Variants in ETV6 observed in about 807,000 individuals in gnomAD.
ETV6 encodes the protein transcription factor ETV6.
In ETV6, 16 loss-of-function variants were observed where a neutral mutation model predicts 51.1. That is an observed-to-expected ratio of 0.31 (90% CI 0.21 to 0.48). The LOEUF (loss-of-function observed/expected upper bound fraction) is 0.48. Ranked by LOEUF, ETV6 falls within the 20% of genes least tolerant of loss-of-function variation. ETV6 has a pLI of 0.99. For synonymous variants in ETV6, 240 were observed against 224.1 expected (o/e 1.07, Z -0.64); for missense variants, 458 against 594.8 (o/e 0.77, Z 2.39).
chr12:11,655,744 G>A (rs768017202), intron 1 of ETV6, among the ~76,000 whole-genome samples: 14 of 152,222 alleles, frequency 9.2e-5, no homozygotes, highest in African/African-American at 2.4e-4. Context: ...CAGCCTGGTC[G>A]TTGTCTAAAT....
intron 4 of ETV6, among the ~76,000 whole-genome samples, chr12:11,858,918 C>A (rs1294526857): frequency 2.0e-5 from 3 of 152,104 alleles, no homozygotes; most frequent in South Asian, 4.2e-4. Context: ...TGAGAGAAGT[C>A]ATTTCTTTGT....
At chr12:11,782,592 T>TA (rs1245127379) in intron 2 of ETV6, among the ~76,000 whole-genome samples, 6 of 152,200 alleles carry the variant, frequency 3.9e-5, no homozygotes, top group Non-Finnish European at 8.8e-5. Flanking sequence ...GGATGTTCAC[T>TA]AATGTGGAAA....
intron 3 of ETV6, among the ~76,000 whole-genome samples, chr12:11,849,327 G>T (rs961146642): frequency 6.6e-6 from 1 of 152,066 alleles, no homozygotes; most frequent in African/African-American, 2.4e-5. Flanking sequence ...ACCCAGGCTG[G>T]TCTCAAACTC....
chr12:11,809,812 CTTTTTTTTT>C (rs927002978), intron 2 of ETV6, among the ~76,000 whole-genome samples: 10 of 81,764 alleles, frequency 1.2e-4, no homozygotes, highest in Non-Finnish European at 2.2e-4. Flanking sequence ...AGAGCTTCTG[CTTTTTTTTT>C]TTTTTTTTTT....
chr12:11,678,331 AAGG>A (rs778578745), intron 1 of ETV6, among the ~76,000 whole-genome samples: 11 of 152,162 alleles, frequency 7.2e-5, no homozygotes, highest in Non-Finnish European at 1.5e-4. Context: ...TGAGGTCAGG[AAGG>A]AGGTCTGTAT....
intron 1 of ETV6, among the ~76,000 whole-genome samples, chr12:11,665,554 T>C (rs1213751726): frequency 6.6e-6 from 1 of 152,256 alleles, no homozygotes; most frequent in East Asian, 1.9e-4. Flanking sequence ...GCTCAAGGTC[T>C]GGCACAGAGG....
intron 2 of ETV6, among the ~76,000 whole-genome samples, chr12:11,826,067 C>T (rs1946149699): frequency 6.6e-6 from 1 of 152,058 alleles, no homozygotes; most frequent in Non-Finnish European, 1.5e-5. Context: ...AACTCCTGGC[C>T]TCAAGCAGTC....
At chr12:11,880,053 GA>G (rs1024611397) in intron 5 of ETV6, among the ~76,000 whole-genome samples, 38 of 123,282 alleles carry the variant, frequency 3.1e-4, no homozygotes, top group Middle Eastern at 4.5e-3. Context: ...AAAAAAAAAG[GA>G]AAAAAAATCT....
intron 2 of ETV6, among the ~76,000 whole-genome samples, chr12:11,797,591 C>T (rs764872681): frequency 1.1e-4 from 16 of 152,154 alleles, no homozygotes; most frequent in Non-Finnish European, 1.9e-4. Context: ...GACAAGGGCA[C>T]AGAAAAGCCA....
At chr12:11,730,436 G>A in intron 1 of ETV6, among the ~76,000 whole-genome samples, 1 of 152,256 alleles carries the variant, frequency 6.6e-6, no homozygotes, top group East Asian at 1.9e-4. Flanking sequence ...GAAGCCAATT[G>A]TAGTGTGCAC....
At chr12:11,669,373 T>TCCTTCCTTCCTCCCTC (rs1555112290) in intron 1 of ETV6, among the ~76,000 whole-genome samples, 1 of 129,344 alleles carries the variant, frequency 7.7e-6, no homozygotes, top group East Asian at 2.3e-4. Flanking sequence ...CTTCCTCCCT[T>TCCTTCCTTCCTCCCTC]CCTCCCTCCC....
intron 2 of ETV6, among the ~76,000 whole-genome samples, chr12:11,799,490 A>T (rs762721): frequency 6.6e-5 from 10 of 151,972 alleles, no homozygotes; most frequent in South Asian, 2.1e-4. Context: ...TCCCAACTTA[A>T]GTATGAAAGA....
intron 3 of ETV6, among the ~76,000 whole-genome samples, chr12:11,844,058 T>G (rs768148868): frequency 2.6e-4 from 39 of 151,880 alleles, no homozygotes; most frequent in Non-Finnish European, 3.8e-4. Context: ...GTGATTTAAA[T>G]TCAGAGAGGT....
intron 1 of ETV6, among the ~76,000 whole-genome samples, chr12:11,729,932 C>T (rs892820512): frequency 6.6e-6 from 1 of 152,094 alleles, no homozygotes; most frequent in African/African-American, 2.4e-5. Context: ...TTTGCTGATT[C>T]ACAAAGGCAT....
chr12:11,696,077 T>G (rs536383107), intron 1 of ETV6, among the ~76,000 whole-genome samples: 1 of 152,016 alleles, frequency 6.6e-6, no homozygotes, highest in Admixed American at 6.5e-5. Context: ...AACGATAAAT[T>G]AACAGGAGAA....
intron 1 of ETV6, among the ~76,000 whole-genome samples, chr12:11,699,608 G>A (rs1326156801): frequency 6.6e-6 from 1 of 152,134 alleles, no homozygotes; most frequent in Non-Finnish European, 1.5e-5. Flanking sequence ...ATACAGAGGA[G>A]AAATAAAGTG....
At chr12:11,678,559 C>CT (rs35214870) in intron 1 of ETV6, among the ~76,000 whole-genome samples, 3 of 152,280 alleles carry the variant, frequency 2.0e-5, no homozygotes, top group East Asian at 3.9e-4. Context: ...GATTATATCC[C>CT]TTTTTTCTGC....
intron 2 of ETV6, among the ~76,000 whole-genome samples, chr12:11,755,066 G>A (rs886307687): frequency 2.6e-5 from 4 of 152,220 alleles, no homozygotes; most frequent in African/African-American, 9.6e-5. Flanking sequence ...CAAAAAGTGT[G>A]TGTTTAGTAA....
chr12:11,770,852 A>T (rs1945233417), intron 2 of ETV6, among the ~76,000 whole-genome samples: 1 of 151,966 alleles, frequency 6.6e-6, no homozygotes, highest in Non-Finnish European at 1.5e-5. Context: ...GTGAGCCATG[A>T]TTGTGCCACT....
Sources: gnomAD v4.1 joint callset for allele counts (sites outside exome capture counted in the v4.1 genomes callset) on GRCh38, gnomAD v4.1.1 for gene constraint, MANE v1.5 for transcripts, NCBI Gene and HGNC (gene_info 2026-07-23, HGNC 2026-07-21) for gene names.